SERPINB7: variants seen among roughly 807,000 people sequenced by gnomAD.
SERPINB7 encodes the protein serpin family B member 7.
Under a neutral mutation model 37.4 loss-of-function variants are expected in SERPINB7, and 31 were observed. The ratio of observed to expected loss-of-function variants is 0.83; its 90% CI spans 0.62 to 1.12. SERPINB7 has a LOEUF of 1.12. Ranked by LOEUF, SERPINB7 falls within the 50% of genes most tolerant of loss-of-function variation. The probability of loss-of-function intolerance (pLI) is 0.00; values close to 1 mark genes in which losing one functional copy is unlikely to be tolerated. For synonymous variants in SERPINB7, 163 were observed against 166.1 expected (o/e 0.98, Z 0.14); for missense variants, 521 against 455.3 (o/e 1.14, Z -1.31).
chr18:63,770,345 A>C (rs1028417266), intron 1 of SERPINB7, among the ~76,000 whole-genome samples: 10 of 151,814 alleles, frequency 6.6e-5, no homozygotes, highest in Admixed American at 4.6e-4. Flanking sequence ...GTGGCCCCTC[A>C]AGTCCTGAGA....
chr18:63,760,485 C>T (rs919540685), intron 1 of SERPINB7, among the ~76,000 whole-genome samples: 1 of 152,210 alleles, frequency 6.6e-6, no homozygotes, highest in Non-Finnish European at 1.5e-5. Context: ...TTCAAGCTGG[C>T]TGCAGAAATT....
At chr18:63,753,936 T>G (rs192417283) in intron 1 of SERPINB7, among the ~76,000 whole-genome samples, 1 of 152,326 alleles carries the variant, frequency 6.6e-6, no homozygotes, top group East Asian at 1.9e-4. Context: ...CCTTGACATC[T>G]CTGCTAATAT....
intron 1 of SERPINB7, among the ~76,000 whole-genome samples, chr18:63,779,349 T>C (rs929530693): frequency 1.3e-4 from 20 of 152,314 alleles, no homozygotes; most frequent in African/African-American, 4.3e-4. Context: ...GTCTTAAATA[T>C]AATTGTTTAT....
Position 63,792,419 on chromosome 18 carries a change from A to T in SERPINB7, c.195A>T (p.Gly65=). Residue 65 remains glycine, a synonymous_variant, in exon 3 of 8, where the codon GGA becomes GGT. Transcript: ENST00000398019. ...DKLLHVNTAS[G]YGNSSNSQSG... is the part of the protein sequence containing the mutation. ...TGCTTCATGTTAACACTGCCTCAGGATATGGAAACTCTTCTAATAGTCAGG... is the reference window on the plus strand; with the variant it reads ...TGCTTCATGTTAACACTGCCTCAGGTTATGGAAACTCTTCTAATAGTCAGG... 6.2e-7 allele frequency: 1 copy of T among 1,604,588 alleles called. No homozygotes were observed. The highest frequency in any genetic ancestry group is 1.1e-5 in the South Asian group (1 of 90,836).
chr18:63,783,230 GAGAGAAAGAAAGAA>G (rs1469920748), intron 2 of SERPINB7, among the ~76,000 whole-genome samples: 255 of 61,838 alleles, frequency 4.1e-3, no homozygotes, highest in Middle Eastern at 9.1e-3. Context: ...GAGAGAGAGA[GAGAGAAAGAAAGAA>G]AGAAAGAAAG....
intron 2 of SERPINB7, among the ~76,000 whole-genome samples, chr18:63,787,541 C>A (rs2049384600): frequency 6.6e-6 from 1 of 152,146 alleles, no homozygotes; most frequent in Non-Finnish European, 1.5e-5. Context: ...GTGCCACAAG[C>A]ATTATCTCAG....
intron 7 of SERPINB7, among the ~76,000 whole-genome samples, chr18:63,803,675 A>T (rs1406090597): frequency 6.6e-6 from 1 of 152,192 alleles, no homozygotes; most frequent in African/African-American, 2.4e-5. Context: ...TCTGTTGAGA[A>T]CAAGAAATTG....
intron 1 of SERPINB7, 107 bp from the exon 2 acceptor site, chr18:63,782,248 G>A: frequency 1.4e-6 from 1 of 721,170 alleles, no homozygotes; most frequent in Non-Finnish European, 1.9e-6. Flanking sequence ...TACCTCCAAG[G>A]CTGAAAAAAA....
intron 1 of SERPINB7, among the ~76,000 whole-genome samples, chr18:63,777,363 A>G (rs2049258851): frequency 6.6e-6 from 1 of 152,120 alleles, no homozygotes; most frequent in Admixed American, 6.6e-5. Context: ...AGATGTCAGA[A>G]TATGAATTAT....
At chr18:63,804,111 C>T (rs1343504789) in intron 7 of SERPINB7, 126 bp from the exon 8 acceptor site, 2 of 669,914 alleles carry the variant, frequency 3.0e-6, no homozygotes, top group African/African-American at 1.8e-5. Flanking sequence ...GCCCAAGACA[C>T]ATTCATGTAC....
At chr18:63,757,448 G>A (rs1244955125) in intron 1 of SERPINB7, among the ~76,000 whole-genome samples, 3 of 152,244 alleles carry the variant, frequency 2.0e-5, no homozygotes, top group Admixed American at 6.5e-5. Flanking sequence ...GTGCAATAAA[G>A]TTGTAAGGTC....
At chr18:63,801,103 G>A in intron 7 of SERPINB7, 91 bp downstream of exon 7, 2 of 1,312,518 alleles carry the variant, frequency 1.5e-6, no homozygotes, top group South Asian at 1.4e-5. Context: ...AAGATTTCAG[G>A]GTATTGAGAT....
chr18:63,790,461 A>G (rs1327297053), intron 2 of SERPINB7, among the ~76,000 whole-genome samples: 3 of 152,202 alleles, frequency 2.0e-5, no homozygotes, highest in Non-Finnish European at 4.4e-5. Flanking sequence ...ATCCTCTATC[A>G]GACTAATATG....
At chr18:63,757,294 C>A (rs1002659210) in intron 1 of SERPINB7, among the ~76,000 whole-genome samples, 7 of 152,062 alleles carry the variant, frequency 4.6e-5, no homozygotes, top group Non-Finnish European at 1.0e-4. Flanking sequence ...ACATGTATAG[C>A]CCTGGGAAAG....
At position 63,804,850 on chromosome 18, in the gene SERPINB7, C is replaced by T. The variant is rs2049591172; in HGVS notation, c.*215C>T. ...TAGCATTCTACCACCATGTGTCTCA[C>T]CCATTTCTAATTTCATTGTCTTTCT... On this transcript the variant is annotated 3_prime_UTR_variant, in exon 8 of 8. Transcript: ENST00000398019. The T allele has an allele frequency of 3.8e-6, 2 of 523,800 alleles. No homozygotes were observed. Among genetic ancestry groups the T allele is most frequent in the African/African-American group, 1.9e-5 (1 of 52,560 alleles). 32.4% of individuals were successfully genotyped at this position (523,800 alleles called of 1,614,324 possible).
At position 63,793,278 on chromosome 18, in the gene SERPINB7, GT is replaced by G; in HGVS notation, c.336+2del. On this transcript the variant is annotated splice_donor_variant, in intron 4 of 7. Transcript: ENST00000398019. LOFTEE classifies it high-confidence loss of function. ...TGAAAAAGTGTATGGCTTTCATAAG[GT>G]AAGTGAAACTGCCTTTGTTAGAAGG... 1 of 1,526,390 alleles carries G rather than the reference GT, an allele frequency of 6.6e-7. No individual in the cohort carries two copies. Among genetic ancestry groups the G allele is most frequent in the Non-Finnish European group, 9.0e-7 (1 of 1,108,864 alleles). 94.6% of individuals were successfully genotyped at this position (1,526,390 alleles called of 1,614,324 possible).
Position 63,805,009 on chromosome 18 carries a change from C to T in SERPINB7, c.*374C>T, listed in dbSNP as rs1471262815. ...TCTACAGTTATCGCAGATATTCTAG[C>T]TTCATTGTAAGCAATCTAGGAAATA... is the stretch of plus-strand genomic sequence containing the variant. On this transcript the variant is annotated 3_prime_UTR_variant, in exon 8 of 8. Coordinates refer to ENST00000398019, the MANE Select transcript of SERPINB7 (RefSeq NM_003784.4). The T allele has an allele frequency of 5.5e-6, 1 of 182,542 alleles. No homozygotes were observed. Among genetic ancestry groups the T allele is most frequent in the East Asian group, 1.5e-4 (1 of 6,862 alleles). The allele number at this position is 182,542 out of a possible 1,614,324, so 11.3% of individuals were successfully genotyped here.
chr18:63,767,730 T>C lies in SERPINB7; in HGVS notation c.-19+14610T>C, dbSNP rs568295737. 8.5e-5 allele frequency among the ~76,000 whole-genome samples: 13 copies of C among 152,154 alleles called. No individual in the cohort carries two copies. The East Asian group carries it at 2.1e-3, about 25-fold the overall frequency. The stretch of plus-strand genomic sequence containing the variant: ...GTTATTTCTCATTTTCTGGAAAAGA[T>C]TGTGTAATATTGGTGTTATCTCTTC... On this transcript the variant is annotated intron_variant, in intron 1 of 7. Transcript: ENST00000336429.
rs191531658 is a variant in SERPINB7 at position 63,753,732 on chromosome 18, C to G, written c.-19+612C>G. 2.4e-3 allele frequency among the ~76,000 whole-genome samples: 362 copies of G among 152,242 alleles called. 1 individual carries two copies. The highest frequency in any genetic ancestry group is 4.1e-3 in the Non-Finnish European group (281 of 68,018). ...TTGGACATTCCTTGTTGATTATAAT[C>G]AATGATATTTGGCAACTTTAGCAAC... On this transcript the variant is annotated intron_variant, in intron 1 of 7. Transcript: ENST00000336429.
Sources: allele counts gnomAD v4.1 joint callset (sites outside exome capture counted in the v4.1 genomes callset), GRCh38; gene constraint gnomAD v4.1.1; transcripts MANE v1.5; gene names NCBI Gene and HGNC (gene_info 2026-07-23, HGNC 2026-07-21).